SRGAP1: variants seen among roughly 807,000 people sequenced by gnomAD.
The protein encoded by SRGAP1 is SLIT-ROBO Rho GTPase activating protein 1, also known as SLIT-ROBO Rho GTPase-activating protein 1.
SRGAP1 carries 43 observed loss-of-function variants against 121.9 expected under a neutral mutation model. The ratio of observed to expected loss-of-function variants is 0.35; its 90% CI spans 0.28 to 0.46. The LOEUF (loss-of-function observed/expected upper bound fraction) is 0.46. SRGAP1 is among the 20% of genes least tolerant of loss of function. The pLI is 1.00. For missense variants in SRGAP1, 1,102 were observed against 1,350.9 expected (o/e 0.82, Z 2.89); for synonymous variants, 447 against 485.4 (o/e 0.92, Z 1.04).
At position 64,156,532 on chromosome 12, in the gene SRGAP1, T is replaced by C. The variant is rs1454712305; in HGVS notation, c.*13860T>C. 6.6e-6 allele frequency: 1 copy of C among 152,346 alleles called. No individual in the cohort carries two copies. Among genetic ancestry groups the C allele is most frequent in the East Asian group, 1.9e-4 (1 of 5,196 alleles). 9.4% of individuals were successfully genotyped at this position (152,346 alleles called of 1,614,324 possible). On this transcript the variant is annotated 3_prime_UTR_variant, in exon 22 of 22. Coordinates refer to ENST00000355086, the MANE Select transcript of SRGAP1 (RefSeq NM_020762.4). ...TACTCATCTACAGGATGAAAGGGTA[T>C]GAGCACGTTTCTAGGTGCCCTGACC... is the stretch of plus-strand genomic sequence containing the variant.
At chr12:63,866,460 AAAGC>A (rs1159026704) in intron 1 of SRGAP1, among the ~76,000 whole-genome samples, 6 of 152,366 alleles carry the variant, frequency 3.9e-5, no homozygotes, top group Admixed American at 6.5e-5. Flanking sequence ...TATAAAATAA[AAAGC>A]AAGTAATAAG....
At position 64,086,883 on chromosome 12, in the gene SRGAP1, C is replaced by T. The variant is rs778733518; in HGVS notation, c.1409-116C>T. ...ATCCTCATGTTTTCTGCCATAAAAA[C>T]GTGTAAGTTATTACAAACTCAGTGT... On this transcript the variant is annotated intron_variant, in intron 10 of 21. Coordinates refer to ENST00000355086, the MANE Select transcript of SRGAP1 (RefSeq NM_020762.4). 3.3e-4 allele frequency: 232 copies of T among 712,568 alleles called. 1 individual carries two copies. Among genetic ancestry groups the T allele is most frequent in the Non-Finnish European group, 4.9e-4 (204 of 417,116 alleles). 44.1% of individuals were successfully genotyped at this position (712,568 alleles called of 1,614,324 possible).
At chr12:63,913,855 C>G (rs1029919768) in intron 1 of SRGAP1, among the ~76,000 whole-genome samples, 2 of 151,726 alleles carry the variant, frequency 1.3e-5, no homozygotes, top group African/African-American at 2.4e-5. Context: ...ATTTTTATAT[C>G]TTAATTTTTA....
At chr12:63,974,235 G>GA (rs959453456) in intron 1 of SRGAP1, among the ~76,000 whole-genome samples, 21 of 150,612 alleles carry the variant, frequency 1.4e-4, no homozygotes, top group African/African-American at 4.6e-4. Flanking sequence ...GCTTTCATAT[G>GA]AAAAAAAAAG....
intron 1 of SRGAP1, among the ~76,000 whole-genome samples, chr12:63,928,549 C>T (rs558216672): frequency 1.2e-3 from 182 of 152,146 alleles, no homozygotes; most frequent in African/African-American, 4.1e-3. Context: ...AGCTCAAAAC[C>T]ATGAAAGTGT....
At chr12:63,924,010 G>A (rs188757455) in intron 1 of SRGAP1, among the ~76,000 whole-genome samples, 33 of 152,102 alleles carry the variant, frequency 2.2e-4, no homozygotes, top group Admixed American at 2.2e-3. Flanking sequence ...GTGTGGTGGC[G>A]GGTACCTGTA....
intron 3 of SRGAP1, among the ~76,000 whole-genome samples, chr12:64,007,476 C>T (rs937113286): frequency 2.0e-5 from 3 of 152,166 alleles, no homozygotes; most frequent in Admixed American, 1.3e-4. Context: ...ACCCACCGCT[C>T]AGCCACCGCT....
chr12:64,141,325 T>TAA (rs1396143799), intron 21 of SRGAP1, among the ~76,000 whole-genome samples: 2 of 150,330 alleles, frequency 1.3e-5, no homozygotes, highest in East Asian at 3.9e-4. Flanking sequence ...CTCATGCCTG[T>TAA]AATCCCAGCA....
At chr12:63,857,706 C>T (rs1376095500) in intron 1 of SRGAP1, among the ~76,000 whole-genome samples, 2 of 152,166 alleles carry the variant, frequency 1.3e-5, no homozygotes, top group African/African-American at 4.8e-5. Context: ...TACATAGCCA[C>T]TTTGCTAGTC....
intron 1 of SRGAP1, among the ~76,000 whole-genome samples, chr12:63,884,498 C>T (rs1200803944): frequency 2.0e-5 from 3 of 151,978 alleles, no homozygotes; most frequent in Admixed American, 6.5e-5. Flanking sequence ...GTAGTTAGTG[C>T]GCCCAGCACC....
At chr12:63,955,815 T>C (rs946047394) in intron 1 of SRGAP1, among the ~76,000 whole-genome samples, 10 of 152,194 alleles carry the variant, frequency 6.6e-5, no homozygotes, top group African/African-American at 2.4e-4. Context: ...AAAAAAACTT[T>C]TAAAATATAA....
At position 63,907,896 on chromosome 12, in the gene SRGAP1, G is replaced by T. The variant is rs138119042; in HGVS notation, c.67+63013G>T. 1.1e-3 allele frequency among the ~76,000 whole-genome samples: 165 copies of T among 152,194 alleles called. No homozygotes were observed. In the Middle Eastern group the frequency reaches 0.024, roughly 22 times the overall value. ...ATTTTTGTGTAAAGTATAAAGTAGAGGTCCATATTCACTTTTTTGCATGTG... is the reference window on the plus strand; with the variant it reads ...ATTTTTGTGTAAAGTATAAAGTAGATGTCCATATTCACTTTTTTGCATGTG... On this transcript the variant is annotated intron_variant, in intron 1 of 21. Transcript: ENST00000355086.
chr12:64,057,815 G>A (rs530439700), intron 6 of SRGAP1, among the ~76,000 whole-genome samples: 3 of 152,284 alleles, frequency 2.0e-5, no homozygotes, highest in African/African-American at 7.2e-5. Flanking sequence ...GCCGAAGAGA[G>A]TAATTCCTTT....
chr12:64,033,610 C>A (rs1445578792), intron 4 of SRGAP1, among the ~76,000 whole-genome samples: 1 of 152,138 alleles, frequency 6.6e-6, no homozygotes, highest in South Asian at 2.1e-4. Context: ...CCCAGCTACT[C>A]TGGGGGCTGA....
chr12:63,894,719 G>A (rs1040277048), intron 1 of SRGAP1, among the ~76,000 whole-genome samples: 2 of 152,112 alleles, frequency 1.3e-5, no homozygotes, highest in African/African-American at 2.4e-5. Context: ...AGAACATACG[G>A]TGTTTGGTTT....
At chr12:63,877,749 G>A (rs193134976) in intron 1 of SRGAP1, among the ~76,000 whole-genome samples, 1 of 152,208 alleles carries the variant, frequency 6.6e-6, no homozygotes, top group Non-Finnish European at 1.5e-5. Context: ...AGAGTGTTGA[G>A]ACCAAATTCT....
At chr12:64,092,835 A>C (rs1014596583) in intron 12 of SRGAP1, among the ~76,000 whole-genome samples, 1 of 152,188 alleles carries the variant, frequency 6.6e-6, no homozygotes, top group Non-Finnish European at 1.5e-5. Context: ...TGTATTTGAT[A>C]ATACAGTACG....
intron 7 of SRGAP1, among the ~76,000 whole-genome samples, chr12:64,064,691 G>A (rs138841895): frequency 9.9e-5 from 15 of 152,264 alleles, no homozygotes; most frequent in Admixed American, 4.6e-4. Context: ...CAGAGCTGGC[G>A]TTCGAGTACA....
At chr12:63,912,007 G>A (rs1288038305) in intron 1 of SRGAP1, among the ~76,000 whole-genome samples, 1 of 152,152 alleles carries the variant, frequency 6.6e-6, no homozygotes, top group Non-Finnish European at 1.5e-5. Flanking sequence ...GATGTGCAGA[G>A]TTAGAAATTA....
Sources: gnomAD v4.1 joint callset for allele counts (sites outside exome capture counted in the v4.1 genomes callset) on GRCh38, gnomAD v4.1.1 for gene constraint, MANE v1.5 for transcripts, NCBI Gene and HGNC (gene_info 2026-07-23, HGNC 2026-07-21) for gene names.